Variants in RANBP2 observed in about 807,000 individuals in gnomAD.
RANBP2 encodes the protein E3 SUMO-protein ligase RanBP2.
Under a neutral mutation model 303.6 loss-of-function variants are expected in RANBP2, and 57 were observed. The observed-to-expected ratio is 0.19, with a 90% CI of 0.15 to 0.23. The LOEUF is 0.23. RANBP2 is among the 10% of genes least tolerant of loss of function. The probability of loss-of-function intolerance (pLI) is 1.00; values close to 1 mark genes in which losing one functional copy is unlikely to be tolerated. For missense variants in RANBP2, 3,138 were observed against 3,780.8 expected (o/e 0.83, Z 4.46); for synonymous variants, 1,167 against 1,301.5 (o/e 0.90, Z 2.23).
At chr2:108,823,699 G>A in the RANBP2 span, among the ~76,000 whole-genome samples, 1 of 152,160 alleles carries the variant, frequency 6.6e-6, no homozygotes, top group Admixed American at 6.5e-5. Flanking sequence ...GGTGCACCTG[G>A]GCCAGGCTCA....
the RANBP2 span, among the ~76,000 whole-genome samples, chr2:109,557,207 G>A: frequency 1.3e-5 from 2 of 151,996 alleles, no homozygotes; most frequent in Admixed American, 6.6e-5. Context: ...AAAAAATCTT[G>A]AATGCATAAC....
At chr2:109,203,005 G>A in the RANBP2 span, among the ~76,000 whole-genome samples, 1 of 152,196 alleles carries the variant, frequency 6.6e-6, no homozygotes, top group Non-Finnish European at 1.5e-5. Context: ...TAACACTTGG[G>A]CCTGAGGATA....
At chr2:108,846,972 T>G in the RANBP2 span, 1 of 1,086,806 alleles carries the variant, frequency 9.2e-7, no homozygotes, top group Non-Finnish European at 1.4e-6. Flanking sequence ...TGAGAAACAA[T>G]AGAGAATATC....
At chr2:109,105,414 C>T in the RANBP2 span, among the ~76,000 whole-genome samples, 1 of 152,140 alleles carries the variant, frequency 6.6e-6, no homozygotes, top group African/African-American at 2.4e-5. Context: ...AGGGGAGAAG[C>T]AATGCAAATC....
the RANBP2 span, among the ~76,000 whole-genome samples, chr2:109,468,160 G>A: frequency 6.6e-6 from 1 of 152,218 alleles, no homozygotes; most frequent in Non-Finnish European, 1.5e-5. Flanking sequence ...ACATCACAGA[G>A]TGGACTCACA....
At chr2:109,383,825 G>A in the RANBP2 span, among the ~76,000 whole-genome samples, 7 of 152,152 alleles carry the variant, frequency 4.6e-5, no homozygotes, top group Admixed American at 1.3e-4. Flanking sequence ...TTTTCCAGAC[G>A]TCCTGTTTTC....
chr2:109,521,607 A>G, the RANBP2 span, among the ~76,000 whole-genome samples: 5 of 152,202 alleles, frequency 3.3e-5, no homozygotes, highest in African/African-American at 9.6e-5. Context: ...AGTCTATTCT[A>G]TTCTACAGTG....
chr2:108,910,429 C>T, the RANBP2 span: 2 of 1,590,732 alleles, frequency 1.3e-6, no homozygotes, highest in Non-Finnish European at 1.7e-6. Context: ...AGGACCCCAG[C>T]TTCAGCTTGG....
intron 2 of RANBP2, among the ~76,000 whole-genome samples, chr2:108,730,205 C>T (rs1164924594): frequency 2.9e-5 from 4 of 136,128 alleles, no homozygotes; most frequent in Admixed American, 1.4e-4. Context: ...GTCAAGGAAC[C>T]TAGAGGATAT....
chr2:109,261,307 A>T, the RANBP2 span, among the ~76,000 whole-genome samples: 21 of 152,284 alleles, frequency 1.4e-4, no homozygotes, highest in East Asian at 4.1e-3. Context: ...GGCTCCAGGA[A>T]GCCTTGATCC....
At chr2:109,422,378 C>G in the RANBP2 span, among the ~76,000 whole-genome samples, 1 of 152,222 alleles carries the variant, frequency 6.6e-6, no homozygotes, top group African/African-American at 2.4e-5. Context: ...TGCACTGAAA[C>G]ATGAGCCCTT....
At chr2:109,518,915 CTTTTTTT>C in the RANBP2 span, among the ~76,000 whole-genome samples, 11 of 110,990 alleles carry the variant, frequency 9.9e-5, no homozygotes, top group Admixed American at 6.0e-4. Flanking sequence ...TGCTACATAT[CTTTTTTT>C]TTTTTTTTTT....
At chr2:108,938,458 C>T in the RANBP2 span, among the ~76,000 whole-genome samples, 9 of 152,258 alleles carry the variant, frequency 5.9e-5, no homozygotes, top group South Asian at 6.2e-4. Context: ...TTGTGGTGCT[C>T]GGGTGCTCTG....
the RANBP2 span, among the ~76,000 whole-genome samples, chr2:109,391,003 G>A: frequency 3.3e-5 from 5 of 152,214 alleles, no homozygotes; most frequent in Non-Finnish European, 5.9e-5. Context: ...ACCCAGAGGC[G>A]GACAAGGTGG....
At chr2:108,818,014 A>G in the RANBP2 span, among the ~76,000 whole-genome samples, 6 of 152,106 alleles carry the variant, frequency 3.9e-5, no homozygotes, top group African/African-American at 1.4e-4. Context: ...ATTTGTTAGA[A>G]CTAGATGAGG....
At chr2:109,331,297 A>C in the RANBP2 span, among the ~76,000 whole-genome samples, 1 of 152,106 alleles carries the variant, frequency 6.6e-6, no homozygotes, top group Non-Finnish European at 1.5e-5. Context: ...GGAATTGGCC[A>C]TCAAATGAGT....
the RANBP2 span, among the ~76,000 whole-genome samples, chr2:109,276,947 A>G: frequency 1.3e-5 from 2 of 152,156 alleles, no homozygotes; most frequent in South Asian, 4.1e-4. Flanking sequence ...TAAGAAGGGG[A>G]GTCCTGAGCT....
At chr2:109,352,491 G>A in the RANBP2 span, among the ~76,000 whole-genome samples, 252 of 152,290 alleles carry the variant, frequency 1.7e-3, 2 homozygotes, top group African/African-American at 2.6e-3. Context: ...TTGCAGTGTC[G>A]TCTCTGCTTC....
the RANBP2 span, chr2:109,614,396 C>T: frequency 2.0e-6 from 2 of 990,344 alleles, no homozygotes; most frequent in South Asian, 5.2e-5. Flanking sequence ...CTGAGCCCGC[C>T]AGACTCCGCC....
Sources: allele counts gnomAD v4.1 joint callset (sites outside exome capture counted in the v4.1 genomes callset), GRCh38; gene constraint gnomAD v4.1.1; transcripts MANE v1.5; gene names NCBI Gene and HGNC (gene_info 2026-07-23, HGNC 2026-07-21).